Variants in SERGEF observed in about 807,000 individuals in gnomAD.
SERGEF encodes secretion regulating guanine nucleotide exchange factor.
Under a neutral mutation model 50.0 loss-of-function variants are expected in SERGEF, and 51 were observed. The observed-to-expected ratio is 1.02, with a 90% CI of 0.81 to 1.29. The LOEUF is 1.29. Among genes scored for constraint, SERGEF ranks in the 50% most tolerant of loss-of-function variants. The probability of loss-of-function intolerance (pLI) is 0.00; values close to 1 mark genes in which losing one functional copy is unlikely to be tolerated. For synonymous variants in SERGEF, 205 were observed against 212.4 expected (o/e 0.97, Z 0.30); for missense variants, 521 against 557.0 (o/e 0.94, Z 0.65).
chr11:17,989,610 A>G (rs1426083042), intron 7 of SERGEF, among the ~76,000 whole-genome samples: 1 of 152,238 alleles, frequency 6.6e-6, no homozygotes, highest in African/African-American at 2.4e-5. Flanking sequence ...AAATGAGGCC[A>G]TGGGCAATAA....
intron 9 of SERGEF, among the ~76,000 whole-genome samples, chr11:17,887,848 G>T (rs545000381): frequency 6.6e-6 from 1 of 152,278 alleles, no homozygotes; most frequent in Non-Finnish European, 1.5e-5. Flanking sequence ...TACAGCAGGG[G>T]TCCCCAACCC....
chr11:17,932,664 A>T (rs1430687604), intron 9 of SERGEF, among the ~76,000 whole-genome samples: 1 of 152,152 alleles, frequency 6.6e-6, no homozygotes, highest in Non-Finnish European at 1.5e-5. Context: ...CTCTGCCACC[A>T]GGTGGTGAAA....
intron 9 of SERGEF, among the ~76,000 whole-genome samples, chr11:17,951,367 C>T (rs1281176372): frequency 6.6e-6 from 1 of 152,170 alleles, no homozygotes; most frequent in Admixed American, 6.5e-5. Context: ...AAAGCTAAGG[C>T]TTGGAAAGGT....
chr11:17,849,885 T>C (rs2133871021), intron 10 of SERGEF, among the ~76,000 whole-genome samples: 1 of 152,334 alleles, frequency 6.6e-6, no homozygotes, highest in East Asian at 1.9e-4. Context: ...ATATTATGTC[T>C]CAGCAAATGT....
chr11:17,997,343 C>T (rs1169421207), intron 5 of SERGEF, among the ~76,000 whole-genome samples: 4 of 152,222 alleles, frequency 2.6e-5, no homozygotes, highest in African/African-American at 9.6e-5. Context: ...ACCTCATACA[C>T]ATTTTGATGC....
chr11:17,970,291 T>C (rs1381231487), intron 8 of SERGEF, among the ~76,000 whole-genome samples: 1 of 152,232 alleles, frequency 6.6e-6, no homozygotes, highest in Non-Finnish European at 1.5e-5. Context: ...CTGTAATCAA[T>C]GATCATTGAT....
intron 9 of SERGEF, among the ~76,000 whole-genome samples, chr11:17,920,809 G>C (rs1852141007): frequency 6.6e-6 from 1 of 152,180 alleles, no homozygotes; most frequent in South Asian, 2.1e-4. Flanking sequence ...TGAGAAACAA[G>C]CAATCTGACC....
At position 17,842,563 on chromosome 11, in the gene SERGEF, C is replaced by T. The variant is rs117207613; in HGVS notation, c.1048+35645G>A. On this transcript the variant is annotated intron_variant, in intron 10 of 10. Transcript: ENST00000265965. The stretch of plus-strand genomic sequence containing the variant: ...CTTTTTTGCTAATAAGAAACAGAAA[C>T]TCAGAGAGGATTTGCTAAAATATGG... 7.7e-3 allele frequency among the ~76,000 whole-genome samples: 1,170 copies of T among 152,250 alleles called. 10 individuals are homozygous for T. The highest frequency in any genetic ancestry group is 0.011 in the South Asian group (55 of 4,826).
intron 9 of SERGEF, among the ~76,000 whole-genome samples, chr11:17,957,770 T>C (rs761131716): frequency 4.0e-5 from 6 of 150,124 alleles, no homozygotes; most frequent in Admixed American, 2.0e-4. Context: ...TCTAAATGTC[T>C]AATATCCAAA....
intron 9 of SERGEF, among the ~76,000 whole-genome samples, chr11:17,957,500 A>G (rs527655701): frequency 1.3e-5 from 2 of 152,342 alleles, no homozygotes; most frequent in South Asian, 4.1e-4. Context: ...AAAGACAAAG[A>G]AAAACTAGAG....
intron 10 of SERGEF, among the ~76,000 whole-genome samples, chr11:17,852,276 G>A (rs926853278): frequency 1.3e-5 from 2 of 152,178 alleles, no homozygotes; most frequent in Non-Finnish European, 2.9e-5. Context: ...TCTGACTCCC[G>A]AACCCATGCT....
intron 1 of SERGEF, chr11:18,010,237 C>G (rs781512305): frequency 6.8e-6 from 3 of 440,974 alleles, no homozygotes; most frequent in African/African-American, 2.1e-5. Context: ...GTCTATTTCA[C>G]AGCCATCCTG....
intron 10 of SERGEF, among the ~76,000 whole-genome samples, chr11:17,807,620 C>T (rs1025854196): frequency 2.0e-5 from 3 of 152,212 alleles, no homozygotes; most frequent in Non-Finnish European, 2.9e-5. Context: ...GATCTGCCGG[C>T]GTGGACCCTG....
chr11:17,834,249 A>T (rs1370918611), intron 10 of SERGEF, among the ~76,000 whole-genome samples: 6 of 152,018 alleles, frequency 3.9e-5, no homozygotes, highest in African/African-American at 7.3e-5. Flanking sequence ...AAGCTCTCTC[A>T]TTTTTTTGCC....
chr11:17,906,173 G>A (rs564683383), intron 9 of SERGEF, among the ~76,000 whole-genome samples: 1 of 152,220 alleles, frequency 6.6e-6, no homozygotes, highest in African/African-American at 2.4e-5. Flanking sequence ...TTGGAGCAGG[G>A]CACGGGGAGG....
intron 10 of SERGEF, among the ~76,000 whole-genome samples, chr11:17,859,658 G>A (rs868783586): frequency 2.6e-5 from 4 of 151,974 alleles, no homozygotes; most frequent in African/African-American, 9.7e-5. Flanking sequence ...AAACACTGAA[G>A]TAAAGAGAAG....
chr11:17,980,984 A>C (rs767227226), intron 8 of SERGEF, among the ~76,000 whole-genome samples: 3 of 152,232 alleles, frequency 2.0e-5, no homozygotes, highest in Non-Finnish European at 4.4e-5. Context: ...GAGGACAAAG[A>C]GAAAGCAAGA....
intron 5 of SERGEF, 86 bp downstream of exon 5, chr11:18,000,411 T>A (rs1247596058): frequency 3.4e-6 from 3 of 891,866 alleles, no homozygotes; most frequent in Non-Finnish European, 5.1e-6. Context: ...ATCGAGCCAC[T>A]GCACTCCAGC....
At chr11:17,815,886 C>T (rs2133839454) in intron 10 of SERGEF, among the ~76,000 whole-genome samples, 1 of 152,334 alleles carries the variant, frequency 6.6e-6, no homozygotes, top group Non-Finnish European at 1.5e-5. Context: ...TGCGCCACTG[C>T]ACTCCAGCCT....
Sources: gnomAD v4.1 joint callset for allele counts (sites outside exome capture counted in the v4.1 genomes callset) on GRCh38, gnomAD v4.1.1 for gene constraint, MANE v1.5 for transcripts, NCBI Gene and HGNC (gene_info 2026-07-23, HGNC 2026-07-21) for gene names.